Variants in SLC25A26 observed in about 807,000 individuals in gnomAD.
SLC25A26 encodes the protein mitochondrial S-adenosylmethionine carrier protein.
SLC25A26 carries 36 observed loss-of-function variants against 37.8 expected under a neutral mutation model. The observed-to-expected ratio is 0.95, with a 90% CI of 0.73 to 1.26. The LOEUF is 1.26. SLC25A26 is among the 50% of genes most tolerant of loss of function. The pLI, the probability that SLC25A26 is intolerant of heterozygous loss-of-function variation, is 0.00. For missense variants in SLC25A26, 390 were observed against 331.1 expected (o/e 1.18, Z -1.38); for synonymous variants, 129 against 122.5 (o/e 1.05, Z -0.35).
intron 6 of SLC25A26, chr3:66,356,212 A>G: frequency 5.2e-6 from 2 of 386,386 alleles, no homozygotes; most frequent in Non-Finnish European, 1.0e-5. Context: ...TACTTTAAAT[A>G]GAAGACACTT....
intron 3 of SLC25A26, among the ~76,000 whole-genome samples, chr3:66,247,011 G>A (rs1307315247): frequency 1.3e-5 from 2 of 151,938 alleles, no homozygotes; most frequent in African/African-American, 2.4e-5. Context: ...ACAGGCACCC[G>A]CCACCACACC....
chr3:66,351,478 A>G (rs941360048), intron 6 of SLC25A26, among the ~76,000 whole-genome samples: 1 of 152,134 alleles, frequency 6.6e-6, no homozygotes, highest in Non-Finnish European at 1.5e-5. Flanking sequence ...CATGGTTTTT[A>G]TTATCTGACA....
At chr3:66,375,911 G>A (rs1022091744) in intron 9 of SLC25A26, among the ~76,000 whole-genome samples, 1 of 151,586 alleles carries the variant, frequency 6.6e-6, no homozygotes, top group African/African-American at 2.4e-5. Flanking sequence ...AAGTAAATTG[G>A]AAGCCTTCTA....
chr3:66,145,106 G>C (rs2070096138), intron 1 of SLC25A26, among the ~76,000 whole-genome samples: 1 of 152,086 alleles, frequency 6.6e-6, no homozygotes, highest in African/African-American at 2.4e-5. Context: ...AATGGGGCTG[G>C]GGACTGTTTA....
At chr3:66,138,135 A>T (rs909150253) in intron 1 of SLC25A26, among the ~76,000 whole-genome samples, 1 of 152,202 alleles carries the variant, frequency 6.6e-6, no homozygotes. Flanking sequence ...TGATCGGCCC[A>T]CATGAACATT....
intron 5 of SLC25A26, among the ~76,000 whole-genome samples, chr3:66,306,771 C>T (rs145408529): frequency 2.1e-3 from 316 of 152,266 alleles, no homozygotes; most frequent in Non-Finnish European, 3.4e-3. Flanking sequence ...GTTTTCTGTT[C>T]CTGTGTTAGT....
chr3:66,154,153 G>A (rs905839693), intron 1 of SLC25A26, among the ~76,000 whole-genome samples: 5 of 152,144 alleles, frequency 3.3e-5, no homozygotes, highest in African/African-American at 1.2e-4. Context: ...GGGCAATTTG[G>A]GTATGAGACC....
At chr3:66,305,765 A>G (rs1056677549) in intron 5 of SLC25A26, among the ~76,000 whole-genome samples, 19 of 152,080 alleles carry the variant, frequency 1.2e-4, no homozygotes, top group Non-Finnish European at 2.1e-4. Flanking sequence ...GTGAACATAC[A>G]TGTGCGTGTG....
chr3:66,266,738 TG>T (rs1385196412), intron 5 of SLC25A26, among the ~76,000 whole-genome samples: 2 of 152,122 alleles, frequency 1.3e-5, no homozygotes, highest in East Asian at 3.9e-4. Flanking sequence ...ATTTTTCTCA[TG>T]ATCTTTGCCA....
At chr3:66,285,246 A>G (rs1358636464) in intron 5 of SLC25A26, among the ~76,000 whole-genome samples, 3 of 152,244 alleles carry the variant, frequency 2.0e-5, no homozygotes, top group East Asian at 1.9e-4. Flanking sequence ...AAAGATTGCT[A>G]TCCACTTGTT....
upstream of SLC25A26, among the ~76,000 whole-genome samples, chr3:66,217,382 A>T (rs2071377329): frequency 1.3e-5 from 2 of 152,182 alleles, no homozygotes; most frequent in Non-Finnish European, 2.9e-5. Flanking sequence ...TCAGTCTCTC[A>T]TTCATAATAT....
At chr3:66,328,054 A>T (rs2075882144) in intron 5 of SLC25A26, among the ~76,000 whole-genome samples, 1 of 152,120 alleles carries the variant, frequency 6.6e-6, no homozygotes, top group African/African-American at 2.4e-5. Flanking sequence ...AGATGGTTTT[A>T]TGGTCTCAGT....
At chr3:66,214,082 G>C (rs2106843049) in intron 1 of SLC25A26, among the ~76,000 whole-genome samples, 1 of 152,244 alleles carries the variant, frequency 6.6e-6, no homozygotes, top group East Asian at 1.9e-4. Context: ...ATCTCATGTT[G>C]AAATGTGATT....
chr3:66,325,401 A>G (rs1350754355), intron 5 of SLC25A26, among the ~76,000 whole-genome samples: 3 of 152,216 alleles, frequency 2.0e-5, no homozygotes, highest in East Asian at 3.8e-4. Flanking sequence ...TGCATAGGGG[A>G]AACATCTGTT....
At chr3:66,322,617 T>C (rs1039751837) in intron 5 of SLC25A26, among the ~76,000 whole-genome samples, 7 of 152,232 alleles carry the variant, frequency 4.6e-5, no homozygotes, top group African/African-American at 2.4e-5. Flanking sequence ...TCAAATGAAC[T>C]ATAAAATGAT....
At position 66,186,362 on chromosome 3, in the gene SLC25A26, C is replaced by T. The variant is rs1008706729; in HGVS notation, c.-353-34380C>T. Among the ~76,000 whole-genome samples, 61 of 152,030 alleles carry T rather than the reference C, an allele frequency of 4.0e-4. No individual in the cohort carries two copies. The East Asian group carries it at 5.4e-3, about 14-fold the overall frequency. On this transcript the variant is annotated intron_variant, in intron 1 of 10. Coordinates refer to the SLC25A26 transcript ENST00000676754. ...CAACTTGTTCCTGACCATTATCTTC[C>T]CTTTCTCCATTGACCTTAAATGAAA...
intron 3 of SLC25A26, among the ~76,000 whole-genome samples, chr3:66,260,210 C>G (rs2073470815): frequency 6.6e-6 from 1 of 152,010 alleles, no homozygotes; most frequent in Non-Finnish European, 1.5e-5. Flanking sequence ...CCCCTTTTGG[C>G]CATGTTTTAT....
intron 2 of SLC25A26, among the ~76,000 whole-genome samples, chr3:66,242,243 C>T (rs1162935141): frequency 6.6e-6 from 1 of 152,008 alleles, no homozygotes; most frequent in Non-Finnish European, 1.5e-5. Flanking sequence ...CAGCTGAATG[C>T]AATTAGAGGT....
At chr3:66,342,955 T>G (rs2076243050) in intron 5 of SLC25A26, among the ~76,000 whole-genome samples, 1 of 152,198 alleles carries the variant, frequency 6.6e-6, no homozygotes, top group Non-Finnish European at 1.5e-5. Flanking sequence ...TTTTGTAACT[T>G]TAGGTGCAAT....
Sources: gnomAD v4.1 joint callset for allele counts (sites outside exome capture counted in the v4.1 genomes callset) on GRCh38, gnomAD v4.1.1 for gene constraint, MANE v1.5 for transcripts, NCBI Gene and HGNC (gene_info 2026-07-23, HGNC 2026-07-21) for gene names.